Variants in RAB3GAP1 observed in about 807,000 individuals in gnomAD.
The protein encoded by RAB3GAP1 is rab3 GTPase-activating protein catalytic subunit.
A neutral mutation model predicts 130.7 loss-of-function variants in RAB3GAP1; 86 were observed. The ratio of observed to expected loss-of-function variants is 0.66; its 90% CI spans 0.55 to 0.79. RAB3GAP1 has a LOEUF of 0.79. Ranked by LOEUF, RAB3GAP1 falls within the 30% of genes least tolerant of loss-of-function variation. The pLI, the probability that RAB3GAP1 is intolerant of heterozygous loss-of-function variation, is 0.00. For synonymous variants in RAB3GAP1, 367 were observed against 401.7 expected (o/e 0.91, Z 1.03); for missense variants, 1,029 against 1,169.4 (o/e 0.88, Z 1.75).
At chr2:135,172,964 G>A (rs1692898818), downstream of RAB3GAP1, among the ~76,000 whole-genome samples, 1 of 152,090 alleles carries the variant, frequency 6.6e-6, no homozygotes, top group Non-Finnish European at 1.5e-5. Context: ...GTAAAGAGAG[G>A]CCCACATGGT....
intron 13 of RAB3GAP1, 140 bp from the exon 14 acceptor site, chr2:135,132,755 C>T (rs545133348): frequency 9.7e-5 from 60 of 621,386 alleles, no homozygotes; most frequent in African/African-American, 9.4e-4. Flanking sequence ...GTAGAACAAA[C>T]TGGCCAATAC....
At position 135,120,858 on chromosome 2, in the gene RAB3GAP1, A is replaced by G; in HGVS notation, c.688A>G (p.Ile230Val). The G allele has an allele frequency of 6.2e-7, 1 of 1,613,358 alleles. No individual in the cohort carries two copies. The highest frequency in any genetic ancestry group is 8.5e-7 in the Non-Finnish European group (1 of 1,179,342). ...LTPLPPVSIA[I>V]RFTYVLQDWQ... ...TCCATTGCCTCCAGTTAGTATTGCTATTCGATTTACCTATGTACTTCAAGA... is the reference window on the plus strand; with the variant it reads ...TCCATTGCCTCCAGTTAGTATTGCTGTTCGATTTACCTATGTACTTCAAGA... Residue 230 changes from isoleucine to valine, a missense_variant, in exon 8 of 24, where the codon ATT becomes GTT. By Grantham distance (29) the Ile-to-Val change is conservative. Around this residue, in one of 3 missense-constraint regions of RAB3GAP1, gnomAD observed 510 missense variants for 532.1 expected, o/e 0.96. Transcript: ENST00000264158.
At chr2:135,157,831 C>CAAAAAA (rs58810979) in intron 19 of RAB3GAP1, among the ~76,000 whole-genome samples, 14 of 87,120 alleles carry the variant, frequency 1.6e-4, no homozygotes, top group Non-Finnish European at 2.3e-4. Flanking sequence ...GAATCCATCT[C>CAAAAAA]AAAAAAAAAA....
rs569357862 is a variant in RAB3GAP1, at chr2:135,060,549, C to T, written c.150+2463C>T. On this transcript the variant is annotated intron_variant, in intron 3 of 23. Coordinates refer to ENST00000264158, the MANE Select transcript of RAB3GAP1 (RefSeq NM_012233.3). Reference sequence around the variant, plus strand: ...TGCTGGGATTACAGGTGTGAGCCACCGCGCCTGGCCAACTGCTTGATTTTG... The same window carrying T: ...TGCTGGGATTACAGGTGTGAGCCACTGCGCCTGGCCAACTGCTTGATTTTG... Among the ~76,000 whole-genome samples, 25 of 150,148 alleles carry T rather than the reference C, an allele frequency of 1.7e-4. 1 individual carries two copies. In the South Asian group the frequency reaches 2.5e-3, roughly 15 times the overall value.
At chr2:135,175,992 T>C (rs900153894) in intron 24 of RAB3GAP1, among the ~76,000 whole-genome samples, 1 of 152,174 alleles carries the variant, frequency 6.6e-6, no homozygotes, top group Non-Finnish European at 1.5e-5. Context: ...TACAGAAAGA[T>C]AAGGTACCAC....
intron 3 of RAB3GAP1, among the ~76,000 whole-genome samples, chr2:135,090,302 C>T (rs1450094792): frequency 6.6e-6 from 1 of 152,030 alleles, no homozygotes; most frequent in Non-Finnish European, 1.5e-5. Flanking sequence ...AATAGTAACT[C>T]ACAGATTAAT....
intron 8 of RAB3GAP1, among the ~76,000 whole-genome samples, chr2:135,122,392 A>C (rs1046933365): frequency 6.6e-6 from 1 of 151,982 alleles, no homozygotes; most frequent in African/African-American, 2.4e-5. Context: ...TTCCAAGGCT[A>C]CTCTCTTATA....
intron 5 of RAB3GAP1, among the ~76,000 whole-genome samples, chr2:135,106,307 G>A (rs1043021607): frequency 6.6e-6 from 1 of 152,214 alleles, no homozygotes; most frequent in African/African-American, 2.4e-5. Flanking sequence ...CGGTTTTGTC[G>A]AATAGAAAAG....
rs761995897 is a variant in RAB3GAP1, at chr2:135,162,982, C to G, written c.2491-4C>G. Reference sequence around the variant, plus strand: ...ATGTATGCCTCTTCCTTTTCTACCGCCAGGAAATCATTCACCAGATTACTA... The same window carrying G: ...ATGTATGCCTCTTCCTTTTCTACCGGCAGGAAATCATTCACCAGATTACTA... On this transcript the variant is annotated splice_region_variant and splice_polypyrimidine_tract_variant and intron_variant, in intron 21 of 23. Coordinates refer to ENST00000264158, the MANE Select transcript of RAB3GAP1 (RefSeq NM_012233.3). The G allele has an allele frequency of 1.9e-6, 3 of 1,610,288 alleles. No individual in the cohort carries two copies. Among genetic ancestry groups the G allele is most frequent in the Non-Finnish European group, 2.5e-6 (3 of 1,176,530 alleles).
chr2:135,095,344 G>A (rs1031065186), intron 5 of RAB3GAP1, among the ~76,000 whole-genome samples: 3 of 152,194 alleles, frequency 2.0e-5, no homozygotes, highest in Non-Finnish European at 4.4e-5. Flanking sequence ...CACCGCGCCC[G>A]GCCGCAGGCA....
chr2:135,122,381 CT>C (rs1180514767), intron 8 of RAB3GAP1, among the ~76,000 whole-genome samples: 2 of 112,576 alleles, frequency 1.8e-5, no homozygotes, highest in South Asian at 2.3e-4. Context: ...CTTTTTTTTC[CT>C]TCCAAGGCTA....
At chr2:135,127,326 CTGT>C (rs1691380745) in intron 11 of RAB3GAP1, among the ~76,000 whole-genome samples, 1 of 149,258 alleles carries the variant, frequency 6.7e-6, no homozygotes, top group Non-Finnish European at 1.5e-5. Context: ...CTGAAGAGCA[CTGT>C]TTTGTTTGTT....
intron 19 of RAB3GAP1, 30 bp from the exon 20 acceptor site, chr2:135,162,525 G>A: frequency 6.4e-7 from 1 of 1,564,404 alleles, no homozygotes; most frequent in Non-Finnish European, 8.8e-7. Flanking sequence ...CACCTGCGCT[G>A]ATCATTTGTG....
In RAB3GAP1 at chr2:135,163,034, C is replaced by T. The variant is rs148557417; in HGVS notation, c.2539C>T (p.Arg847Trp). The T allele has an allele frequency of 1.9e-5, 30 of 1,613,872 alleles. No individual in the cohort carries two copies. Among genetic ancestry groups the T allele is most frequent in the East Asian group, 8.9e-5 (4 of 44,880 alleles). The change falls in exon 22 of 24, where the codon CGG becomes TGG. Residue 847 changes from arginine (R) to tryptophan (W), a missense_variant. Around this residue, in one of 3 missense-constraint regions of RAB3GAP1, gnomAD observed 373 missense variants for 493.6 expected, o/e 0.76. Coordinates refer to ENST00000264158, the MANE Select transcript of RAB3GAP1 (RefSeq NM_012233.3). ...TNVEALIARA[R>W]SLKAKFGTEK... ...TGTGGAAGCTCTCATTGCCAGAGCT[C>T]GGTCACTAAAAGCCAAGTTTGGAAC...
At chr2:135,100,465 T>G (rs1190885600) in intron 5 of RAB3GAP1, among the ~76,000 whole-genome samples, 1 of 152,192 alleles carries the variant, frequency 6.6e-6, no homozygotes, top group African/African-American at 2.4e-5. Context: ...TCCTTTTTAT[T>G]ATTTCAAATT....
intron 4 of RAB3GAP1, among the ~76,000 whole-genome samples, chr2:135,092,529 C>T (rs572574330): frequency 1.6e-4 from 24 of 152,268 alleles, no homozygotes; most frequent in Middle Eastern, 6.8e-3. Context: ...CTCCGCCTCC[C>T]GGGTTCAAGC....
chr2:135,080,187 G>T (rs1437425348), intron 3 of RAB3GAP1, among the ~76,000 whole-genome samples: 1 of 152,062 alleles, frequency 6.6e-6, no homozygotes, highest in African/African-American at 2.4e-5. Context: ...ATGCACAGGG[G>T]TACACACACA....
chr2:135,115,776 G>C (rs1160616020), intron 7 of RAB3GAP1, among the ~76,000 whole-genome samples: 1 of 152,180 alleles, frequency 6.6e-6, no homozygotes, highest in African/African-American at 2.4e-5. Flanking sequence ...TTTGGGTTCT[G>C]AATTGCATTT....
At chr2:135,087,835 A>G (rs1414292814) in intron 3 of RAB3GAP1, among the ~76,000 whole-genome samples, 3 of 152,166 alleles carry the variant, frequency 2.0e-5, no homozygotes, top group Non-Finnish European at 2.9e-5. Flanking sequence ...TTTTAAATCT[A>G]TACATTTATC....
Sources: allele counts gnomAD v4.1 joint callset (sites outside exome capture counted in the v4.1 genomes callset), GRCh38; gene constraint gnomAD v4.1.1; regional missense constraint gnomAD v4.1.1; transcripts MANE v1.5; gene names NCBI Gene and HGNC (gene_info 2026-07-23, HGNC 2026-07-21).